The following ADCY8 variants were observed in gnomAD, a reference collection of about 807,000 sequenced individuals.
ADCY8 encodes adenylate cyclase type 8.
A neutral mutation model predicts 119.7 loss-of-function variants in ADCY8; 51 were observed. That is an observed-to-expected ratio of 0.43 (90% CI 0.34 to 0.54). The LOEUF is 0.54. Among genes scored for constraint, ADCY8 ranks in the 20% least tolerant of loss-of-function variants. ADCY8 has a pLI of 0.03. For synonymous variants in ADCY8, 665 were observed against 651.0 expected (o/e 1.02, Z -0.33); for missense variants, 1,383 against 1,598.8 (o/e 0.87, Z 2.30).
chr8:130,818,586 C>T (rs1263407524), intron 13 of ADCY8, among the ~76,000 whole-genome samples: 2 of 152,154 alleles, frequency 1.3e-5, no homozygotes, highest in African/African-American at 4.8e-5. Context: ...TTACACATGC[C>T]CCCACCAGAC....
intron 4 of ADCY8, among the ~76,000 whole-genome samples, chr8:130,942,862 A>G (rs985201991): frequency 3.3e-5 from 5 of 152,216 alleles, no homozygotes; most frequent in Non-Finnish European, 5.9e-5. Flanking sequence ...TGGAAAATGA[A>G]GGTACTGTCT....
At chr8:130,820,838 A>T (rs1816487420) in intron 13 of ADCY8, among the ~76,000 whole-genome samples, 1 of 152,218 alleles carries the variant, frequency 6.6e-6, no homozygotes, top group African/African-American at 2.4e-5. Flanking sequence ...AATTCTACAC[A>T]CAGTAATCTG....
At chr8:130,810,572 G>A (rs926696343) in intron 14 of ADCY8, among the ~76,000 whole-genome samples, 12 of 152,256 alleles carry the variant, frequency 7.9e-5, no homozygotes, top group Non-Finnish European at 1.6e-4. Context: ...GAACTCTCAA[G>A]GTTGTAAATA....
chr8:130,853,918 T>C (rs1234533781), intron 9 of ADCY8, among the ~76,000 whole-genome samples: 1 of 152,210 alleles, frequency 6.6e-6, no homozygotes, highest in Non-Finnish European at 1.5e-5. Flanking sequence ...GCCTACCTTT[T>C]AAAGGAGGCT....
At chr8:130,798,250 T>A (rs944458614) in intron 15 of ADCY8, among the ~76,000 whole-genome samples, 8 of 152,150 alleles carry the variant, frequency 5.3e-5, no homozygotes, top group African/African-American at 1.9e-4. Flanking sequence ...AGGAGGTTTT[T>A]CAGAGTATGA....
intron 5 of ADCY8, among the ~76,000 whole-genome samples, chr8:130,926,451 T>A (rs753598538): frequency 6.6e-6 from 1 of 152,212 alleles, no homozygotes; most frequent in Non-Finnish European, 1.5e-5. Context: ...ATTTAAAAAA[T>A]ATTTTTTATT....
At chr8:131,037,427 A>G (rs934860950) in intron 1 of ADCY8, among the ~76,000 whole-genome samples, 1 of 152,230 alleles carries the variant, frequency 6.6e-6, no homozygotes, top group African/African-American at 2.4e-5. Context: ...ATATATCTAT[A>G]CTTAGAACTT....
intron 9 of ADCY8, among the ~76,000 whole-genome samples, chr8:130,866,589 A>G (rs1241596822): frequency 6.6e-6 from 1 of 152,218 alleles, no homozygotes; most frequent in African/African-American, 2.4e-5. Context: ...TTCCAAATGG[A>G]ATACTCTCCT....
At chr8:130,817,690 T>A (rs1365273104) in intron 13 of ADCY8, among the ~76,000 whole-genome samples, 1 of 152,164 alleles carries the variant, frequency 6.6e-6, no homozygotes, top group African/African-American at 2.4e-5. Flanking sequence ...AAAATGACAC[T>A]TAAAAACCAG....
intron 1 of ADCY8, among the ~76,000 whole-genome samples, chr8:130,992,392 T>TTGAGCAACTGTGCCTGGC (rs1563758978): frequency 9.5e-6 from 1 of 105,712 alleles, no homozygotes; most frequent in African/African-American, 5.0e-5. Context: ...CATATATATA[T>TTGAGCAACTGTGCCTGGC]ATATATATAT....
rs1815165218 is a variant in ADCY8, at chr8:130,783,808, G to A, written c.3154-3C>T. The A allele has an allele frequency of 3.1e-6, 5 of 1,605,374 alleles. No homozygotes were observed. The highest frequency in any genetic ancestry group is 4.3e-6 in the Non-Finnish European group (5 of 1,174,226). ...TGTCCCCACTTGTCTTCACATTGCT[G>A]AAGCAAACATGAGGAGAAGAAATCA... On this transcript the variant is annotated splice_polypyrimidine_tract_variant and splice_region_variant and intron_variant, in intron 16 of 17. Transcript: ENST00000286355.
In ADCY8 at chr8:130,884,552, AC is replaced by A. The variant is rs1274970474; in HGVS notation, c.2109+11del. On this transcript the variant is annotated intron_variant, in intron 8 of 17. Coordinates refer to ENST00000286355, the MANE Select transcript of ADCY8 (RefSeq NM_001115.3). ...ACTCAGAAAAAGAGCCGCTGTGGAG[AC>A]CCAGCTCTACCTTGTGCTCCAGGCT... The A allele has an allele frequency of 6.2e-7, 1 of 1,613,338 alleles. No individual in the cohort carries two copies. Among genetic ancestry groups the A allele is most frequent in the South Asian group, 1.1e-5 (1 of 91,074 alleles).
chr8:130,801,890 T>G (rs1044861741), intron 14 of ADCY8, among the ~76,000 whole-genome samples: 2 of 147,022 alleles, frequency 1.4e-5, no homozygotes, highest in Non-Finnish European at 3.0e-5. Flanking sequence ...CTGGCCCCTT[T>G]GAGAATGCCT....
chr8:130,795,982 T>C (rs1815568303), intron 15 of ADCY8, among the ~76,000 whole-genome samples: 1 of 152,056 alleles, frequency 6.6e-6, no homozygotes, highest in Non-Finnish European at 1.5e-5. Flanking sequence ...CAAACATATT[T>C]GGTGTTTTGG....
chr8:130,925,332 TCCAGGAC>T (rs1477909575), intron 5 of ADCY8, among the ~76,000 whole-genome samples: 1 of 152,210 alleles, frequency 6.6e-6, no homozygotes, highest in Admixed American at 6.5e-5. Flanking sequence ...CATCAAATTT[TCCAGGAC>T]CCAAACTCAG....
chr8:130,843,468 C>T (rs1374756511), intron 11 of ADCY8, among the ~76,000 whole-genome samples: 1 of 152,164 alleles, frequency 6.6e-6, no homozygotes. Context: ...ATTCTCAAAT[C>T]AGGGAGTCCA....
intron 1 of ADCY8, among the ~76,000 whole-genome samples, chr8:131,019,319 G>T (rs889616904): frequency 2.0e-5 from 3 of 152,252 alleles, no homozygotes; most frequent in Admixed American, 1.3e-4. Context: ...CTATTTAAAG[G>T]CTGTGGAAGC....
chr8:130,812,485 T>C (rs1816200124), intron 14 of ADCY8, among the ~76,000 whole-genome samples: 1 of 152,214 alleles, frequency 6.6e-6, no homozygotes, highest in South Asian at 2.1e-4. Context: ...CCTAAATCTA[T>C]GACTGGTGAT....
chr8:130,798,683 A>ACTATC (rs1213313366), intron 15 of ADCY8, among the ~76,000 whole-genome samples: 1 of 152,186 alleles, frequency 6.6e-6, no homozygotes, highest in East Asian at 1.9e-4. Flanking sequence ...ATAGGACATG[A>ACTATC]CTGCAGTTGT....
Sources: gnomAD v4.1 joint callset for allele counts (sites outside exome capture counted in the v4.1 genomes callset) on GRCh38, gnomAD v4.1.1 for gene constraint, MANE v1.5 for transcripts, NCBI Gene and HGNC (gene_info 2026-07-23, HGNC 2026-07-21) for gene names.